The following AP1G1 variants were observed in gnomAD, a reference collection of about 807,000 sequenced individuals.
The protein encoded by AP1G1 is AP-1 complex subunit gamma-1.
In AP1G1, 7 loss-of-function variants were observed where a neutral mutation model predicts 108.3. The observed-to-expected ratio is 0.06, with a 90% CI of 0.04 to 0.12. The LOEUF (loss-of-function observed/expected upper bound fraction) is 0.12, where lower values mean the gene tolerates loss of function less well. Among genes scored for constraint, AP1G1 ranks in the 10% least tolerant of loss-of-function variants. The probability of loss-of-function intolerance (pLI) is 1.00; values close to 1 mark genes in which losing one functional copy is unlikely to be tolerated. For synonymous variants in AP1G1, 379 were observed against 353.5 expected (o/e 1.07, Z -0.81); for missense variants, 756 against 1,010.7 (o/e 0.75, Z 3.42).
intron 19 of AP1G1, 109 bp downstream of exon 19, chr16:71,745,035 C>T: frequency 1.7e-6 from 2 of 1,204,802 alleles, no homozygotes; most frequent in Non-Finnish European, 2.4e-6. Flanking sequence ...TCTGATTTAG[C>T]CTCTCCCATC....
chr16:71,735,325 T>C (rs1325938462), intron 21 of AP1G1, among the ~76,000 whole-genome samples: 1 of 152,168 alleles, frequency 6.6e-6, no homozygotes, highest in African/African-American at 2.4e-5. Context: ...AGTATTAATT[T>C]GTTGAATGCT....
intron 13 of AP1G1, among the ~76,000 whole-genome samples, chr16:71,751,074 G>A (rs2030472889): frequency 6.7e-6 from 1 of 148,594 alleles, no homozygotes; most frequent in African/African-American, 2.5e-5. Context: ...AGAATGGCGT[G>A]AACCCAGGAG....
At chr16:71,782,395 C>T (rs1567658576) in intron 2 of AP1G1, among the ~76,000 whole-genome samples, 1 of 151,914 alleles carries the variant, frequency 6.6e-6, no homozygotes, top group Non-Finnish European at 1.5e-5. Context: ...AACTCCTGAG[C>T]TCAAGCAATC....
At chr16:71,793,889 T>C (rs11861285) in intron 1 of AP1G1, among the ~76,000 whole-genome samples, 13,437 of 152,154 alleles carry the variant, frequency 0.088, 635 homozygotes, top group Middle Eastern at 0.11. Context: ...GGCTGATTTT[T>C]GTATTTTTTT....
rs532745940 is a variant in AP1G1, at chr16:71,731,575, T to C, written c.*1483A>G. On this transcript the variant is annotated 3_prime_UTR_variant, in exon 23 of 23. Transcript: ENST00000299980. Reference sequence around the variant, plus strand: ...TATATAAGACATGGCGCCTGAATACTTGAACATACATAGTACATTCAATGT... The same window carrying C: ...TATATAAGACATGGCGCCTGAATACCTGAACATACATAGTACATTCAATGT... 1.4e-4 allele frequency: 22 copies of C among 152,644 alleles called. No individual in the cohort carries two copies. Among genetic ancestry groups the C allele is most frequent in the Non-Finnish European group, 3.1e-4 (21 of 68,046 alleles). The allele number at this position is 152,644 out of a possible 1,614,324, so 9.5% of individuals were successfully genotyped here.
intron 19 of AP1G1, among the ~76,000 whole-genome samples, chr16:71,740,892 T>A (rs1256303610): frequency 6.6e-6 from 1 of 152,228 alleles, no homozygotes; most frequent in East Asian, 1.9e-4. Flanking sequence ...AAAACATTCA[T>A]TAAATTTTGT....
At chr16:71,785,941 G>A (rs564053974) in intron 2 of AP1G1, among the ~76,000 whole-genome samples, 7 of 152,160 alleles carry the variant, frequency 4.6e-5, no homozygotes, top group Non-Finnish European at 8.8e-5. Context: ...GTGATCATAC[G>A]TGCAGGTGAC....
intron 6 of AP1G1, among the ~76,000 whole-genome samples, chr16:71,769,026 T>C (rs1286418728): frequency 7.5e-6 from 1 of 133,984 alleles, no homozygotes; most frequent in African/African-American, 2.8e-5. Flanking sequence ...CTCACACCTG[T>C]AATCCCAGCA....
intron 6 of AP1G1, among the ~76,000 whole-genome samples, chr16:71,766,663 A>C (rs1402811683): frequency 6.6e-6 from 1 of 152,074 alleles, no homozygotes; most frequent in Non-Finnish European, 1.5e-5. Context: ...CTATATTTAG[A>C]CTCTGTCCCT....
At chr16:71,763,112 A>T (rs1359084875) in intron 9 of AP1G1, among the ~76,000 whole-genome samples, 1 of 152,204 alleles carries the variant, frequency 6.6e-6, no homozygotes, top group African/African-American at 2.4e-5. Flanking sequence ...GATGGCTCAC[A>T]TTACTCGGGA....
Position 71,789,350 on chromosome 16 carries a change from T to C in AP1G1, c.130A>G (p.Thr44Ala), listed in dbSNP as rs764186942. Residue 44 changes from threonine to alanine, a missense_variant, in exon 2 of 23, where the codon ACA (threonine) becomes GCA (alanine). Thr to Ala is a moderately conservative substitution (Grantham distance 58). This residue lies in a region of AP1G1 where 304 missense variants were observed against 483.6 expected (regional missense o/e 0.63). Coordinates refer to ENST00000299980, the MANE Select transcript of AP1G1 (RefSeq NM_001128.6). The part of the protein sequence containing the change: ...IRSSFREEDN[T>A]YRCRNVAKLL... Reference sequence around the variant, plus strand: ...TTTGCCACATTCCGACATCGGTATGTATTGTCTTCTTCTCTAAAAGATGAC... The same window carrying C: ...TTTGCCACATTCCGACATCGGTATGCATTGTCTTCTTCTCTAAAAGATGAC... 3 of 1,614,262 alleles carry C rather than the reference T, an allele frequency of 1.9e-6. No individual in the cohort carries two copies. Among genetic ancestry groups the C allele is most frequent in the Non-Finnish European group, 2.5e-6 (3 of 1,180,046 alleles).
chr16:71,793,926 C>A (rs2032492281), intron 1 of AP1G1, among the ~76,000 whole-genome samples: 1 of 152,148 alleles, frequency 6.6e-6, no homozygotes, highest in South Asian at 2.1e-4. Flanking sequence ...TCATGTTGCC[C>A]AGGCTGGTCT....
intron 5 of AP1G1, 66 bp downstream of exon 5, chr16:71,771,090 A>G (rs1459869665): frequency 8.0e-6 from 8 of 994,540 alleles, no homozygotes; most frequent in Non-Finnish European, 1.2e-5. Context: ...GGACTAACAT[A>G]GCCTTAAGCC....
chr16:71,741,455 C>T (rs1318470112), intron 19 of AP1G1, among the ~76,000 whole-genome samples: 2 of 152,000 alleles, frequency 1.3e-5, no homozygotes, highest in South Asian at 2.1e-4. Context: ...TGGTGGCACG[C>T]GCCTATAGTC....
At chr16:71,764,814 G>T in intron 7 of AP1G1, 88 bp from the exon 8 acceptor site, 3 of 786,750 alleles carry the variant, frequency 3.8e-6, no homozygotes, top group Non-Finnish European at 6.2e-6. Flanking sequence ...ACTAAATGAA[G>T]TCTTAGAAAT....
intron 3 of AP1G1, 156 bp downstream of exon 3, chr16:71,774,312 T>G (rs1416994061): frequency 5.8e-6 from 4 of 693,762 alleles, no homozygotes; most frequent in Non-Finnish European, 4.6e-6. Context: ...AGACTGGCAG[T>G]TGGGGGAGGA....
intron 1 of AP1G1, among the ~76,000 whole-genome samples, chr16:71,798,893 GA>G (rs796407724): frequency 5.1e-4 from 70 of 137,092 alleles, no homozygotes; most frequent in Admixed American, 7.4e-4. Context: ...TGTCTCCCAG[GA>G]AAAAAAAAAA....
Position 71,732,263 on chromosome 16 carries a change from T to A in AP1G1, c.*795A>T, listed in dbSNP as rs1218348210. 6.6e-6 allele frequency: 1 copy of A among 152,604 alleles called. No individual in the cohort carries two copies. The highest frequency in any genetic ancestry group is 1.5e-5 in the Non-Finnish European group (1 of 68,038). 9.5% of individuals were successfully genotyped at this position (152,604 alleles called of 1,614,324 possible). A position where few individuals can be genotyped will look rare whatever the true frequency, so the allele number is the denominator to read the frequency against. ...TTTTGAAAATCATGGAGACTATTCA[T>A]GACTACAGCTAAAGAATGGCGAGAA... On this transcript the variant is annotated 3_prime_UTR_variant, in exon 23 of 23. Coordinates refer to ENST00000299980, the MANE Select transcript of AP1G1 (RefSeq NM_001128.6).
chr16:71,744,638 C>T (rs1597039398), intron 19 of AP1G1, among the ~76,000 whole-genome samples: 1 of 142,532 alleles, frequency 7.0e-6, no homozygotes, highest in Non-Finnish European at 1.5e-5. Context: ...CACACTGGCG[C>T]GATCTCGGCT....
Sources: gnomAD v4.1 joint callset for allele counts (sites outside exome capture counted in the v4.1 genomes callset) on GRCh38, gnomAD v4.1.1 for gene constraint, gnomAD v4.1.1 regional missense constraint, MANE v1.5 for transcripts, NCBI Gene and HGNC (gene_info 2026-07-23, HGNC 2026-07-21) for gene names.